RUVBL1: variants seen among roughly 807,000 people sequenced by gnomAD.
RUVBL1 encodes the protein ruvB-like 1.
A neutral mutation model predicts 52.4 loss-of-function variants in RUVBL1; 4 were observed. The ratio of observed to expected loss-of-function variants is 0.08; its 90% CI spans 0.04 to 0.17. The LOEUF (loss-of-function observed/expected upper bound fraction) is 0.17. Ranked by LOEUF, RUVBL1 falls within the 10% of genes least tolerant of loss-of-function variation. The pLI is 1.00. For synonymous variants in RUVBL1, 217 were observed against 214.4 expected, an observed-to-expected ratio of 1.01 and a Z score of -0.10; for missense variants, 298 against 572.8, an observed-to-expected ratio of 0.52 and a Z score of 4.90.
At chr3:128,088,016 T>C (rs926896529) in intron 8 of RUVBL1, among the ~76,000 whole-genome samples, 1 of 151,990 alleles carries the variant, frequency 6.6e-6, no homozygotes, top group Non-Finnish European at 1.5e-5. Flanking sequence ...TCCCAACACT[T>C]TGGGAGGCAG....
chr3:128,124,435 C>A (rs1943750408), upstream of RUVBL1, among the ~76,000 whole-genome samples: 1 of 152,162 alleles, frequency 6.6e-6, no homozygotes, highest in African/African-American at 2.4e-5. Context: ...AGAGGCCCAT[C>A]CGCCCAAGAA....
At chr3:128,093,329 G>A (rs968834528) in intron 8 of RUVBL1, among the ~76,000 whole-genome samples, 3 of 152,178 alleles carry the variant, frequency 2.0e-5, no homozygotes, top group African/African-American at 7.2e-5. Flanking sequence ...GTGGATGGGG[G>A]TAAGGGTGCA....
At chr3:128,074,838 GTC>G (rs1942260514) in intron 9 of RUVBL1, among the ~76,000 whole-genome samples, 2 of 61,226 alleles carry the variant, frequency 3.3e-5, no homozygotes, top group South Asian at 5.9e-4. Flanking sequence ...GCGAAACTCC[GTC>G]TCAAAAAAAA....
At chr3:128,079,872 A>T (rs1942423594), downstream of RUVBL1, among the ~76,000 whole-genome samples, 1 of 152,254 alleles carries the variant, frequency 6.6e-6, no homozygotes. Context: ...GCACTGGACC[A>T]AGATGACCAT....
chr3:128,079,141 T>C (rs1942406029), downstream of RUVBL1: 1 of 152,248 alleles, frequency 6.6e-6, no homozygotes, highest in African/African-American at 2.4e-5. Flanking sequence ...TTAAACAGCA[T>C]GAAAGGCTTG....
intron 9 of RUVBL1, among the ~76,000 whole-genome samples, chr3:128,065,413 C>T (rs1941937038): frequency 6.6e-6 from 1 of 152,156 alleles, no homozygotes. Context: ...TTCTGCATCT[C>T]GGAAACGGCC....
At chr3:128,113,519 G>A (rs1281408691) in intron 2 of RUVBL1, among the ~76,000 whole-genome samples, 1 of 151,796 alleles carries the variant, frequency 6.6e-6, no homozygotes, top group East Asian at 1.9e-4. Flanking sequence ...AAAATGGCAG[G>A]GTATTTGCAT....
At chr3:128,120,445 T>C (rs1002445975) in intron 1 of RUVBL1, among the ~76,000 whole-genome samples, 5 of 152,192 alleles carry the variant, frequency 3.3e-5, no homozygotes, top group African/African-American at 1.2e-4. Flanking sequence ...CATGTGTGTA[T>C]ATATACACAC....
At chr3:128,127,208 C>T (rs72970117), upstream of RUVBL1, among the ~76,000 whole-genome samples, 138 of 152,314 alleles carry the variant, frequency 9.1e-4, 1 homozygote, top group African/African-American at 3.2e-3. Context: ...GCATCATCCT[C>T]GCCTTACTTG....
upstream of RUVBL1, among the ~76,000 whole-genome samples, chr3:128,127,723 G>T (rs984660081): frequency 6.6e-6 from 1 of 152,190 alleles, no homozygotes; most frequent in Non-Finnish European, 1.5e-5. Flanking sequence ...TTGGCCAGGT[G>T]CAGTGGCTCA....
Position 128,098,917 on chromosome 3 carries a change from C to A in RUVBL1, c.782G>T (p.Gly261Val). Residue 261 changes from glycine to valine, a missense_variant, in exon 7 of 11, where the codon GGC (glycine) becomes GTC (valine). By Grantham distance (109) the Gly-to-Val change is moderately radical. Transcript: ENST00000322623. ...TGTCTTCTTTGGCTTCATTAGCTGG[C>A]CCATCATGGACAGGATATCTTGTCC... ...QGGQDILSMMGQLMKPKKTEI... is the reference protein window; with the variant it reads ...QGGQDILSMMVQLMKPKKTEI... The A allele has an allele frequency of 6.2e-7, 1 of 1,614,016 alleles. No homozygotes were observed. Among genetic ancestry groups the A allele is most frequent in the East Asian group, 2.2e-5 (1 of 44,846 alleles).
At position 128,101,644 on chromosome 3, in the gene RUVBL1, T is replaced by C; in HGVS notation, c.518A>G (p.Asp173Gly). The C allele has an allele frequency of 6.2e-7, 1 of 1,613,154 alleles. No individual in the cohort carries two copies. The highest frequency in any genetic ancestry group is 1.3e-5 in the African/African-American group (1 of 74,880). Residue 173 changes from aspartate (D) to glycine (G), a missense_variant, in exon 5 of 11, where the codon GAC (aspartate) becomes GGC (glycine). Physicochemically the swap from Asp to Gly is moderately conservative, Grantham distance 94 (BLOSUM62 -1). Coordinates refer to ENST00000322623, the MANE Select transcript of RUVBL1 (RefSeq NM_003707.3). Reference sequence around the variant, plus strand: ...CTGCAAACTTTCAAAAATGCTGGGGTCCAGCTAAAAAAAAAAATGTAAATC... The same window carrying C: ...CTGCAAACTTTCAAAAATGCTGGGGCCCAGCTAAAAAAAAAAATGTAAATC... The part of the protein sequence containing the change: ...TAKGTKQLKL[D>G]PSIFESLQKE...
intron 1 of RUVBL1, among the ~76,000 whole-genome samples, chr3:128,151,967 TTGGGC>T (rs1944224963): frequency 6.6e-6 from 1 of 152,192 alleles, no homozygotes; most frequent in African/African-American, 2.4e-5. Context: ...GGAGGCAATG[TTGGGC>T]TAGCATTCCT....
At chr3:128,122,472 G>A (rs1943672138) in intron 1 of RUVBL1, among the ~76,000 whole-genome samples, 1 of 152,216 alleles carries the variant, frequency 6.6e-6, no homozygotes, top group Admixed American at 6.5e-5. Context: ...CAAGGCAGTG[G>A]ACATATAGCT....
At chr3:128,065,353 GA>G (rs1255668529) in intron 9 of RUVBL1, 3 of 581,488 alleles carry the variant, frequency 5.2e-6, no homozygotes, top group Non-Finnish European at 9.1e-6. Context: ...CTCTAGCTCT[GA>G]AACCTCATTG....
intron 9 of RUVBL1, chr3:128,070,216 T>C (rs368828300): frequency 1.3e-5 from 2 of 152,406 alleles, no homozygotes; most frequent in African/African-American, 4.8e-5. Context: ...TTAAAAGTGA[T>C]TTTTTTAAGG....
At chr3:128,113,394 C>T (rs987554794) in intron 2 of RUVBL1, among the ~76,000 whole-genome samples, 3 of 152,092 alleles carry the variant, frequency 2.0e-5, no homozygotes, top group East Asian at 1.9e-4. Context: ...AAAATGGCAG[C>T]GCAGATTTAA....
intron 1 of RUVBL1, among the ~76,000 whole-genome samples, chr3:128,130,670 A>C (rs967349398): frequency 2.0e-5 from 3 of 148,616 alleles, no homozygotes; most frequent in Admixed American, 6.8e-5. Context: ...TTTATTTTTG[A>C]GACGGAGTCT....
intron 8 of RUVBL1, among the ~76,000 whole-genome samples, chr3:128,092,237 C>T (rs1248302557): frequency 2.0e-5 from 3 of 152,048 alleles, no homozygotes; most frequent in Non-Finnish European, 4.4e-5. Flanking sequence ...ATATAAAAGC[C>T]GAAACTATAA....
Sources: allele counts gnomAD v4.1 joint callset (sites outside exome capture counted in the v4.1 genomes callset), GRCh38; gene constraint gnomAD v4.1.1; transcripts MANE v1.5; gene names NCBI Gene and HGNC (gene_info 2026-07-23, HGNC 2026-07-21).